Variants in KIAA0586 observed in about 807,000 individuals in gnomAD.
The protein encoded by KIAA0586 is KIAA0586, also known as protein TALPID3.
Under a neutral mutation model 169.8 loss-of-function variants are expected in KIAA0586, and 144 were observed. The observed-to-expected ratio is 0.85, with a 90% CI of 0.74 to 0.97. The LOEUF (loss-of-function observed/expected upper bound fraction) is 0.97, where lower values mean the gene tolerates loss of function less well. Ranked by LOEUF, KIAA0586 falls within the 50% of genes least tolerant of loss-of-function variation. The probability of loss-of-function intolerance (pLI) is 0.00; values close to 1 mark genes in which losing one functional copy is unlikely to be tolerated. For synonymous variants in KIAA0586, 625 were observed against 612.4 expected (o/e 1.02, Z -0.30); for missense variants, 1,854 against 1,823.0 (o/e 1.02, Z -0.31).
chr14:58,508,010 C>G (rs2044126434), intron 27 of KIAA0586, among the ~76,000 whole-genome samples: 1 of 152,060 alleles, frequency 6.6e-6, no homozygotes, highest in Non-Finnish European at 1.5e-5. Context: ...GTCTCAAACT[C>G]CTGACCTTAG....
chr14:58,486,582 G>T (rs146789173), intron 21 of KIAA0586, among the ~76,000 whole-genome samples: 106 of 152,076 alleles, frequency 7.0e-4, no homozygotes, highest in Non-Finnish European at 1.2e-3. Flanking sequence ...AGTCAGAATG[G>T]CTATTATTAA....
chr14:58,517,335 C>A (rs947858450), intron 29 of KIAA0586, among the ~76,000 whole-genome samples: 4 of 152,178 alleles, frequency 2.6e-5, no homozygotes, highest in African/African-American at 9.6e-5. Context: ...AGATACTTCA[C>A]CAAAAAAGAA....
Position 58,427,766 on chromosome 14 carries a change from G to A in KIAA0586, c.-499G>A. The A allele has an allele frequency of 6.5e-7, 1 of 1,530,406 alleles. No homozygotes were observed. The highest frequency in any genetic ancestry group is 8.7e-7 in the Non-Finnish European group (1 of 1,144,880). 94.8% of individuals were successfully genotyped at this position (1,530,406 alleles called of 1,614,324 possible). A position where few individuals can be genotyped will look rare whatever the true frequency, so the allele number is the denominator to read the frequency against. On this transcript the variant is annotated 5_prime_UTR_variant, in exon 1 of 31. Coordinates refer to ENST00000652326, the MANE Select transcript of KIAA0586 (RefSeq NM_001329943.3). ...GACGGTGCGGGTCTCGGGCGTTCTG[G>A]AGATACGTAGGGGTGAATTTATGTT...
chr14:58,456,378 A>G (rs1370434476), intron 9 of KIAA0586, among the ~76,000 whole-genome samples: 1 of 152,200 alleles, frequency 6.6e-6, no homozygotes, highest in Non-Finnish European at 1.5e-5. Context: ...CTTATGGAGA[A>G]GCAGATTTTC....
At chr14:58,450,779 T>G (rs2140708582) in intron 8 of KIAA0586, 33 bp downstream of exon 8, 1 of 1,403,272 alleles carries the variant, frequency 7.1e-7, no homozygotes, top group South Asian at 1.2e-5. Flanking sequence ...CTATCCCAAA[T>G]TAGGAAATTG....
intron 26 of KIAA0586, among the ~76,000 whole-genome samples, chr14:58,493,207 A>C (rs151062593): frequency 6.6e-6 from 1 of 152,298 alleles, no homozygotes; most frequent in Non-Finnish European, 1.5e-5. Context: ...GTAATTGGTC[A>C]TTGGTTGAGA....
intron 4 of KIAA0586, among the ~76,000 whole-genome samples, chr14:58,440,699 T>C (rs2038261430): frequency 1.3e-5 from 2 of 152,348 alleles, no homozygotes; most frequent in African/African-American, 4.8e-5. Context: ...TCAGTGGTGT[T>C]ATCAATCCCT....
In KIAA0586 at chr14:58,468,052, T is replaced by G. The variant is rs965040924; in HGVS notation, c.2442+130T>G. ...ATCATGACTCTTTTTTTTAAATTTA[T>G]TTTTATTTTTTAGACAGAGTTTTGC... On this transcript the variant is annotated intron_variant, in intron 16 of 30. Transcript: ENST00000652326. The G allele has an allele frequency of 1.7e-5, 10 of 600,380 alleles. 1 individual carries two copies. In the East Asian group the frequency reaches 2.8e-4, roughly 17 times the overall value. 37.2% of individuals were successfully genotyped at this position (600,380 alleles called of 1,614,324 possible).
chr14:58,457,823 C>T lies in KIAA0586; in HGVS notation c.1427C>T (p.Thr476Ile). 1 of 1,607,926 alleles carries T rather than the reference C, an allele frequency of 6.2e-7. No homozygotes were observed. Among genetic ancestry groups the T allele is most frequent in the Non-Finnish European group, 8.5e-7 (1 of 1,176,810 alleles). The change falls in exon 11 of 31, where the codon ACA becomes ATA. Residue 476 changes from threonine (T) to isoleucine (I), a missense_variant. By Grantham distance (89) the Thr-to-Ile change is moderately conservative. Coordinates refer to ENST00000652326, the MANE Select transcript of KIAA0586 (RefSeq NM_001329943.3). ...DLPQNSVKLQ[T>I]TNTTRSVLKD... ...CCACAGAATTCTGTTAAGCTTCAAA[C>T]AACCAATACAACAAGATCTGTATTG...
chr14:58,489,722 A>C (rs1366545241), intron 24 of KIAA0586, among the ~76,000 whole-genome samples: 1 of 152,228 alleles, frequency 6.6e-6, no homozygotes, highest in East Asian at 1.9e-4. Context: ...TTGTGCACTT[A>C]TCTGGTCTCT....
chr14:58,482,582 T>C lies in KIAA0586; in HGVS notation c.3014T>C (p.Ile1005Thr). 2 of 1,605,150 alleles carry C rather than the reference T, an allele frequency of 1.2e-6. No homozygotes were observed. The highest frequency in any genetic ancestry group is 1.7e-6 in the Non-Finnish European group (2 of 1,175,080). The change falls in exon 21 of 31, where the codon ATT (isoleucine) becomes ACT (threonine). Residue 1005 changes from isoleucine to threonine, a missense_variant. Ile to Thr is a moderately conservative substitution (Grantham distance 89). Transcript: ENST00000652326. Reference protein sequence around the residue: ...DAGVPVNSNVIKHFVNEALAE... With the variant: ...DAGVPVNSNVTKHFVNEALAE... The stretch of plus-strand genomic sequence containing the variant: ...GGTGTTCCTGTGAACTCAAATGTGA[T>C]TAAACATTTTGTTAACGAAGCTCTT...
intron 8 of KIAA0586, 37 bp from the exon 9 acceptor site, chr14:58,453,313 G>C (rs1266899057): frequency 2.8e-6 from 3 of 1,089,054 alleles, no homozygotes; most frequent in African/African-American, 1.7e-5. Context: ...AAATGAATTA[G>C]TATTTGGAAA....
chr14:58,557,360 G>T, the KIAA0586 span, among the ~76,000 whole-genome samples: 1 of 152,208 alleles, frequency 6.6e-6, no homozygotes, highest in Non-Finnish European at 1.5e-5. Flanking sequence ...ATGTGCAATT[G>T]TGAGGTGGAC....
At chr14:58,460,938 T>G in intron 13 of KIAA0586, 48 bp from the exon 14 acceptor site, 1 of 1,359,782 alleles carries the variant, frequency 7.4e-7, no homozygotes, top group Non-Finnish European at 9.8e-7. Context: ...ATGAGATAAG[T>G]GTTTGATGAC....
Position 58,467,738 on chromosome 14 carries a change from A to C in KIAA0586, c.2258A>C (p.Gln753Pro), listed in dbSNP as rs369552863. Residue 753 changes from glutamine (Q) to proline (P), a missense_variant, in exon 16 of 31, where the codon CAA (glutamine) becomes CCA (proline). Gln to Pro is a moderately conservative substitution (Grantham distance 76). Coordinates refer to ENST00000652326, the MANE Select transcript of KIAA0586 (RefSeq NM_001329943.3). Reference sequence around the variant, plus strand: ...TTTTTTCTCCTAAACTTCTTAGGACAAACCCAAAGTAATAGTGATACCATG... The same window carrying C: ...TTTTTTCTCCTAAACTTCTTAGGACCAACCCAAAGTAATAGTGATACCATG... The part of the protein sequence containing the change: ...HLIPMAILLG[Q>P]TQSNSDTMPP... The C allele has an allele frequency of 2.5e-6, 4 of 1,602,276 alleles. No individual in the cohort carries two copies. In the African/African-American group the frequency reaches 5.4e-5, roughly 22 times the overall value.
chr14:58,464,734 C>T (rs2040602433), intron 14 of KIAA0586, among the ~76,000 whole-genome samples: 1 of 152,042 alleles, frequency 6.6e-6, no homozygotes, highest in Non-Finnish European at 1.5e-5. Flanking sequence ...TGGATAGTAC[C>T]AAGCCCTAAC....
chr14:58,452,203 ACCAAAATCG>A (rs1773811297), intron 8 of KIAA0586, among the ~76,000 whole-genome samples: 1 of 152,168 alleles, frequency 6.6e-6, no homozygotes. Flanking sequence ...TGATGGGTGC[ACCAAAATCG>A]CACAAATCAC....
chr14:58,451,975 G>A (rs566510009), intron 8 of KIAA0586, among the ~76,000 whole-genome samples: 5 of 152,280 alleles, frequency 3.3e-5, no homozygotes, highest in East Asian at 1.9e-4. Flanking sequence ...GAGCTACTGC[G>A]CCCGGCCATA....
In KIAA0586 at chr14:58,548,130, G is replaced by A. The variant is rs1470066593; in HGVS notation, c.*198G>A. 1.8e-6 allele frequency: 1 copy of A among 571,040 alleles called. No individual in the cohort carries two copies. Among genetic ancestry groups the A allele is most frequent in the Admixed American group, 3.6e-5 (1 of 28,144 alleles). The allele number at this position is 571,040 out of a possible 1,614,324, so 35.4% of individuals were successfully genotyped here. On this transcript the variant is annotated 3_prime_UTR_variant, in exon 31 of 31. Coordinates refer to ENST00000652326, the MANE Select transcript of KIAA0586 (RefSeq NM_001329943.3). Reference sequence around the variant, plus strand: ...AATAAGTATAAGTCATTATAAGTCTGATTGTGAGTTGTTTCTTAGAATCCT... The same window carrying A: ...AATAAGTATAAGTCATTATAAGTCTAATTGTGAGTTGTTTCTTAGAATCCT...
Sources: gnomAD v4.1 joint callset for allele counts (sites outside exome capture counted in the v4.1 genomes callset) on GRCh38, gnomAD v4.1.1 for gene constraint, MANE v1.5 for transcripts, NCBI Gene and HGNC (gene_info 2026-07-23, HGNC 2026-07-21) for gene names.